Variants in LY6L observed in about 807,000 individuals in gnomAD.
LY6L encodes lymphocyte antigen 6L.
Under a neutral mutation model 8.3 loss-of-function variants are expected in LY6L, and 8 were observed. The ratio of observed to expected loss-of-function variants is 0.97; its 90% CI spans 0.57 to 1.74. The LOEUF (loss-of-function observed/expected upper bound fraction) is 1.74, where lower values mean the gene tolerates loss of function less well. LY6L is among the 40% of genes most tolerant of loss of function. The probability of loss-of-function intolerance (pLI) is 0.00; values close to 1 mark genes in which losing one functional copy is unlikely to be tolerated. For missense variants in LY6L, 156 were observed against 183.8 expected, an observed-to-expected ratio of 0.85 and a Z score of 0.87; for synonymous variants, 79 against 77.9, an observed-to-expected ratio of 1.01 and a Z score of -0.07.
At chr8:143,081,590 A>C (rs1449464294) in intron 3 of LY6L, among the ~76,000 whole-genome samples, 1 of 152,240 alleles carries the variant, frequency 6.6e-6, no homozygotes, top group African/African-American at 2.4e-5. Context: ...TTACAAAGAC[A>C]GCAGGAACAC....
At chr8:143,082,320 C>A (rs1586644436) in intron 3 of LY6L, 105 bp from the exon 4 acceptor site, 2 of 798,576 alleles carry the variant, frequency 2.5e-6, no homozygotes, top group East Asian at 5.4e-5. Context: ...CTAGCTCTTT[C>A]TGGTCCCGGC....
intron 1 of LY6L, among the ~76,000 whole-genome samples, 184 bp downstream of exon 1, chr8:143,080,843 C>G (rs1437376480): frequency 2.6e-5 from 4 of 151,596 alleles, no homozygotes; most frequent in Admixed American, 2.0e-4. Context: ...GGGGGTTGCC[C>G]TCGGTGAAGC....
In LY6L at chr8:143,083,168, G is replaced by A. The variant is rs1385352080; in HGVS notation, c.*517G>A. Among the ~76,000 whole-genome samples the A allele has an allele frequency of 4.8e-5, 7 of 145,788 alleles. No individual in the cohort carries two copies. Among genetic ancestry groups the A allele is most frequent in the African/African-American group, 1.8e-4 (7 of 38,510 alleles). On this transcript the variant is annotated 3_prime_UTR_variant, in exon 4 of 4. Transcript: ENST00000562505. ...TGATGGGAAGGATGGTGCCTCTGAT[G>A]GGCAATGGGGAAGGATGGTGCCTCC...
chr8:143,081,732 T>G (rs1461463533), intron 3 of LY6L, among the ~76,000 whole-genome samples: 4 of 152,218 alleles, frequency 2.6e-5, no homozygotes, highest in Non-Finnish European at 2.9e-5. Flanking sequence ...CAATGTCATA[T>G]AGTATAACAC....
chr8:143,080,748 G>T, intron 1 of LY6L, 89 bp downstream of exon 1: 1 of 397,620 alleles, frequency 2.5e-6, no homozygotes, highest in African/African-American at 2.1e-5. Context: ...AGAGAGATTG[G>T]AAGGGGGACC....
At chr8:143,082,353 G>A in intron 3 of LY6L, 72 bp from the exon 4 acceptor site, 3 of 1,118,776 alleles carry the variant, frequency 2.7e-6, no homozygotes, top group East Asian at 2.6e-5. Context: ...AAGCATCCTT[G>A]CACTTTCCGC....
chr8:143,082,368 C>A, intron 3 of LY6L, 57 bp from the exon 4 acceptor site: 1 of 1,279,746 alleles, frequency 7.8e-7, no homozygotes, highest in Non-Finnish European at 1.1e-6. Context: ...TTCCGCATAA[C>A]TGTGGATACC....
Position 143,081,242 on chromosome 8 carries a change from G to C in LY6L, c.105G>C (p.Lys35Asn), listed in dbSNP as rs1820424420. Residue 35 changes from lysine (K) to asparagine (N), a missense_variant, in exon 3 of 4, where the codon AAG (lysine) becomes AAC (asparagine). Transcript: ENST00000562505. ...ACCTGAGCTGCTACCAGTGCTTCAA[G>C]GTCAGCAGCTGGACGGAGTGCCCGC... ...ARNLSCYQCF[K>N]VSSWTECPPT... 6.5e-7 allele frequency: 1 copy of C among 1,533,524 alleles called. No individual in the cohort carries two copies. The highest frequency in any genetic ancestry group is 8.7e-7 in the Non-Finnish European group (1 of 1,145,442). The allele number at this position is 1,533,524 out of a possible 1,614,324, so 95.0% of individuals were successfully genotyped here.
At chr8:143,082,027 AC>A (rs912150641) in intron 3 of LY6L, among the ~76,000 whole-genome samples, 2 of 152,172 alleles carry the variant, frequency 1.3e-5, no homozygotes, top group Non-Finnish European at 2.9e-5. Context: ...AGGGCTGGGC[AC>A]CCAGCCCAGC....
In LY6L at chr8:143,082,740, CA is replaced by C; in HGVS notation, c.*90del. 9.3e-7 allele frequency: 1 copy of C among 1,079,262 alleles called. No homozygotes were observed. The highest frequency in any genetic ancestry group is 1.3e-6 in the Non-Finnish European group (1 of 783,974). 66.9% of individuals were successfully genotyped at this position (1,079,262 alleles called of 1,614,324 possible). ...CATCCTGCCTCCGCCCCTTCCAGGA[CA>C]CTGGGGGGGGACCCTCCCTCTCTGA... On this transcript the variant is annotated 3_prime_UTR_variant, in exon 4 of 4. Transcript: ENST00000562505.
In LY6L at chr8:143,083,419, G is replaced by T. The variant is rs1820470210; in HGVS notation, c.*768G>T. On this transcript the variant is annotated 3_prime_UTR_variant, in exon 4 of 4. Transcript: ENST00000562505. ...AAACCCAGGAAGGATAACACTGTGG[G>T]TGCCCCCACCTGTGCATTGGGACCA... 6.6e-6 allele frequency among the ~76,000 whole-genome samples: 1 copy of T among 152,170 alleles called. No homozygotes were observed. The highest frequency in any genetic ancestry group is 1.5e-5 in the Non-Finnish European group (1 of 68,012).
chr8:143,081,460 C>G lies in LY6L; in HGVS notation c.190+133C>G. ...CCTGTGGGTCCGAAAGTGCCTCCTG[C>G]TGTCTCTCCCGCGCTGGGCTCGGGC... On this transcript the variant is annotated intron_variant, in intron 3 of 3. Coordinates refer to ENST00000562505, the MANE Select transcript of LY6L (RefSeq NM_001368160.2). 3 of 570,448 alleles carry G rather than the reference C, an allele frequency of 5.3e-6. No homozygotes were observed. In the South Asian group the frequency reaches 7.1e-5, roughly 14 times the overall value. 35.3% of individuals were successfully genotyped at this position (570,448 alleles called of 1,614,324 possible).
intron 1 of LY6L, 150 bp downstream of exon 1, chr8:143,080,809 C>A: frequency 2.1e-6 from 1 of 483,446 alleles, no homozygotes; most frequent in Non-Finnish European, 3.6e-6. Flanking sequence ...GGAGAGCGAG[C>A]GTCGGGAGCA....
At chr8:143,082,099 G>A (rs1240620486) in intron 3 of LY6L, among the ~76,000 whole-genome samples, 2 of 152,208 alleles carry the variant, frequency 1.3e-5, no homozygotes, top group Non-Finnish European at 2.9e-5. Flanking sequence ...TCCCGACGAC[G>A]CACATGCCCC....
chr8:143,082,317 T>C, intron 3 of LY6L, 108 bp from the exon 4 acceptor site: 1 of 787,146 alleles, frequency 1.3e-6, no homozygotes, highest in Non-Finnish European at 2.0e-6. Flanking sequence ...GCTCTAGCTC[T>C]TTCTGGTCCC....
In LY6L at chr8:143,082,529, A is replaced by C. The variant is rs1250461784; in HGVS notation, c.295A>C (p.Thr99Pro). ...SPAPMVQGVI[T>P]RRCCSWALCN... ...GGCCCCCATGGTGCAAGGCGTGATC[A>C]CCAGGCGCTGCTGTTCCTGGGCTCT... Residue 99 changes from threonine (T) to proline (P), a missense_variant, in exon 4 of 4, where the codon ACC becomes CCC. Thr to Pro is a conservative substitution (Grantham distance 38, BLOSUM62 -1). Coordinates refer to ENST00000562505, the MANE Select transcript of LY6L (RefSeq NM_001368160.2). The C allele has an allele frequency of 6.5e-7, 1 of 1,535,376 alleles. No homozygotes were observed. The highest frequency in any genetic ancestry group is 1.2e-5 in the South Asian group (1 of 84,050).
intron 3 of LY6L, 144 bp downstream of exon 3, chr8:143,081,471 G>A (rs1820430153): frequency 1.8e-6 from 1 of 558,220 alleles, no homozygotes; most frequent in Non-Finnish European, 3.1e-6. Flanking sequence ...TGTCTCTCCC[G>A]CGCTGGGCTC....
rs1228113129 is a variant in LY6L at position 143,082,683 on chromosome 8, G to C, written c.*32G>C. ...TCCCTTTACGCCCCCTCCTGGCCCT[G>C]CTGGCCCATCCCGTCTCCTGCCTCC... On this transcript the variant is annotated 3_prime_UTR_variant, in exon 4 of 4. Coordinates refer to ENST00000562505, the MANE Select transcript of LY6L (RefSeq NM_001368160.2). 7.1e-7 allele frequency: 1 copy of C among 1,418,236 alleles called. No homozygotes were observed. The highest frequency in any genetic ancestry group is 9.3e-7 in the Non-Finnish European group (1 of 1,080,674). 87.9% of individuals were successfully genotyped at this position (1,418,236 alleles called of 1,614,324 possible).
intron 1 of LY6L, 44 bp from the exon 2 acceptor site, chr8:143,080,992 T>A: frequency 7.2e-7 from 1 of 1,397,388 alleles, no homozygotes; most frequent in South Asian, 1.2e-5. Flanking sequence ...GGGAGGGGGC[T>A]CTCTGGGTGA....
Sources: allele counts gnomAD v4.1 joint callset (sites outside exome capture counted in the v4.1 genomes callset), GRCh38; gene constraint gnomAD v4.1.1; transcripts MANE v1.5; gene names NCBI Gene and HGNC (gene_info 2026-07-23, HGNC 2026-07-21).